The following FRAS1 variants were observed in gnomAD, a reference collection of about 807,000 sequenced individuals.
The protein encoded by FRAS1 is Fraser extracellular matrix complex subunit 1.
In FRAS1, 290 loss-of-function variants were observed where a neutral mutation model predicts 435.2. The observed-to-expected ratio is 0.67, with a 90% confidence interval of 0.61 to 0.73. The LOEUF (loss-of-function observed/expected upper bound fraction) is 0.73. Among genes scored for constraint, FRAS1 ranks in the 30% least tolerant of loss-of-function variants. FRAS1 has a pLI of 0.00. For missense variants in FRAS1, 4,860 were observed against 5,001.5 expected (o/e 0.97, Z 0.85); for synonymous variants, 1,800 against 1,851.0 (o/e 0.97, Z 0.71).
chr4:78,424,437 AT>A lies in FRAS1; in HGVS notation c.4711+21del. ...ACTTCACAGGTAAAGATTCATCTAAATTTTACTAGAAAGTGAAATTTTTTCT... is the reference window on the plus strand; with the variant it reads ...ACTTCACAGGTAAAGATTCATCTAAATTTACTAGAAAGTGAAATTTTTTCT... On this transcript the variant is annotated intron_variant, in intron 35 of 73. Transcript: ENST00000512123. 7.3e-7 allele frequency: 1 copy of A among 1,363,390 alleles called. No individual in the cohort carries two copies. Among genetic ancestry groups the A allele is most frequent in the Non-Finnish European group, 9.7e-7 (1 of 1,026,306 alleles). 84.5% of individuals were successfully genotyped at this position (1,363,390 alleles called of 1,614,324 possible).
chr4:78,464,620 T>A (rs1719473262), intron 49 of FRAS1, 37 bp downstream of exon 49: 4 of 1,608,650 alleles, frequency 2.5e-6, no homozygotes, highest in Non-Finnish European at 3.4e-6. Flanking sequence ...TCTGGCTAAA[T>A]GAGAGGCTGA....
intron 2 of FRAS1, among the ~76,000 whole-genome samples, chr4:78,126,807 C>A (rs961220994): frequency 3.9e-5 from 6 of 152,074 alleles, no homozygotes; most frequent in African/African-American, 1.2e-4. Context: ...ATATAGAGTA[C>A]CATTAACCAA....
rs868769483 is a variant in FRAS1, at chr4:78,106,041, G to C, written c.108+40025G>C. ...ACCCGAATATTGCGCTTTTCAGACCGGCTTAAGAAACGGCGCACCACGAGA... is the reference window on the plus strand; with the variant it reads ...ACCCGAATATTGCGCTTTTCAGACCCGCTTAAGAAACGGCGCACCACGAGA... On this transcript the variant is annotated intron_variant, in intron 2 of 73. Coordinates refer to ENST00000512123, the MANE Select transcript of FRAS1 (RefSeq NM_025074.7). Among the ~76,000 whole-genome samples, 7 of 131,962 alleles carry C rather than the reference G, an allele frequency of 5.3e-5. 1 individual carries two copies. Among genetic ancestry groups the C allele is most frequent in the African/African-American group, 2.1e-4 (7 of 33,960 alleles). The allele number at this position is 131,962 out of a possible 152,430, so 86.6% of individuals were successfully genotyped here. A position where few individuals can be genotyped will look rare whatever the true frequency, so the allele number is the denominator to read the frequency against.
Position 78,387,581 on chromosome 4 carries a change from T to C in FRAS1, c.3855T>C (p.Ser1285=), listed in dbSNP as rs751765926. 6.8e-6 allele frequency: 11 copies of C among 1,613,672 alleles called. No individual in the cohort carries two copies. In the East Asian group the frequency reaches 2.5e-4, roughly 36 times the overall value. ...ATCAATTCCAGCTGGATGAACTCTCTAGAGGCCTTCTCCACTATGCTCATG... is the reference window on the plus strand; with the variant it reads ...ATCAATTCCAGCTGGATGAACTCTCCAGAGGCCTTCTCCACTATGCTCATG... The part of the protein sequence containing the change: ...PIYQFQLDEL[S]RGLLHYAHDG... Residue 1285 remains serine (S), a synonymous_variant, in exon 29 of 74, where the codon TCT becomes TCC. Transcript: ENST00000512123.
chr4:78,307,597 G>A (rs1166277464), intron 14 of FRAS1, among the ~76,000 whole-genome samples: 4 of 152,218 alleles, frequency 2.6e-5, no homozygotes, highest in East Asian at 3.8e-4. Context: ...CGCAGTATTC[G>A]GGTGGGAGTG....
At chr4:78,088,806 T>C (rs967107404) in intron 2 of FRAS1, among the ~76,000 whole-genome samples, 4 of 152,098 alleles carry the variant, frequency 2.6e-5, no homozygotes, top group South Asian at 2.1e-4. Context: ...TGTGGAGAAA[T>C]AGGGACACTT....
intron 2 of FRAS1, among the ~76,000 whole-genome samples, chr4:78,170,322 A>G (rs1327411702): frequency 1.3e-5 from 2 of 152,196 alleles, no homozygotes; most frequent in African/African-American, 4.8e-5. Flanking sequence ...GTTGGTGCTT[A>G]GTAAATCTTT....
intron 18 of FRAS1, among the ~76,000 whole-genome samples, chr4:78,331,373 T>C (rs1729942932): frequency 6.6e-6 from 1 of 152,114 alleles, no homozygotes; most frequent in African/African-American, 2.4e-5. Flanking sequence ...TATTAGCCTG[T>C]AGGTGTCAGG....
In FRAS1 at chr4:78,101,909, C is replaced by T. The variant is rs192611539; in HGVS notation, c.108+35893C>T. Among the ~76,000 whole-genome samples, 186 of 152,232 alleles carry T rather than the reference C, an allele frequency of 1.2e-3. 1 individual carries two copies. Among genetic ancestry groups the T allele is most frequent in the African/African-American group, 4.3e-3 (179 of 41,528 alleles). On this transcript the variant is annotated intron_variant, in intron 2 of 73. Transcript: ENST00000512123. ...GTGCAGGTTTTCATTCCGCTCGTGTCCATTTGTTCACTACATTTATTCAGC... is the reference window on the plus strand; with the variant it reads ...GTGCAGGTTTTCATTCCGCTCGTGTTCATTTGTTCACTACATTTATTCAGC...
intron 31 of FRAS1, among the ~76,000 whole-genome samples, chr4:78,410,474 A>G (rs1560711800): frequency 6.6e-6 from 1 of 152,034 alleles, no homozygotes; most frequent in Non-Finnish European, 1.5e-5. Context: ...TCACTGGATG[A>G]AGACATCCAG....
chr4:78,510,952 A>G (rs1721016361), intron 63 of FRAS1, among the ~76,000 whole-genome samples: 1 of 152,292 alleles, frequency 6.6e-6, no homozygotes, highest in Middle Eastern at 3.4e-3. Flanking sequence ...CCTGAATAAC[A>G]CTTGGGTCAT....
At chr4:78,201,900 T>A (rs1723063617) in intron 2 of FRAS1, among the ~76,000 whole-genome samples, 1 of 152,230 alleles carries the variant, frequency 6.6e-6, no homozygotes, top group Admixed American at 6.5e-5. Flanking sequence ...TTAGGGGGCA[T>A]GACCACATAT....
At chr4:78,117,859 T>G (rs1718735179) in intron 2 of FRAS1, among the ~76,000 whole-genome samples, 1 of 152,270 alleles carries the variant, frequency 6.6e-6, no homozygotes, top group African/African-American at 2.4e-5. Flanking sequence ...CCAGCTTTGT[T>G]CCATTGCTGG....
chr4:78,197,545 A>G (rs916524135), intron 2 of FRAS1, among the ~76,000 whole-genome samples: 7 of 152,192 alleles, frequency 4.6e-5, no homozygotes, highest in African/African-American at 1.7e-4. Context: ...AGAAAAGCCC[A>G]AAAGTCGGGC....
chr4:78,086,729 G>T (rs561503370), intron 2 of FRAS1, among the ~76,000 whole-genome samples: 9 of 152,286 alleles, frequency 5.9e-5, no homozygotes, highest in African/African-American at 2.2e-4. Flanking sequence ...AAACCAGGAA[G>T]AAGTTGAATC....
chr4:78,275,609 G>A (rs370363827), intron 9 of FRAS1, among the ~76,000 whole-genome samples: 51 of 152,272 alleles, frequency 3.3e-4, no homozygotes, highest in African/African-American at 1.1e-3. Flanking sequence ...TCTGGGTTGA[G>A]AATTCTTTTC....
chr4:78,091,183 C>T (rs751480506), intron 2 of FRAS1, among the ~76,000 whole-genome samples: 10 of 151,956 alleles, frequency 6.6e-5, no homozygotes, highest in South Asian at 2.1e-4. Context: ...CCTGTCTTCA[C>T]CCCCACCATC....
chr4:78,162,555 C>CT, intron 2 of FRAS1, among the ~76,000 whole-genome samples: 1 of 152,242 alleles, frequency 6.6e-6, no homozygotes, highest in East Asian at 1.9e-4. Flanking sequence ...GGAAAATGTC[C>CT]TTTTAAATGT....
In FRAS1 at chr4:78,220,632, A is replaced by G. The variant is rs372558707; in HGVS notation, c.109-16878A>G. Among the ~76,000 whole-genome samples the G allele has an allele frequency of 5.1e-4, 78 of 152,340 alleles. No individual in the cohort carries two copies. In the South Asian group the frequency reaches 0.016, roughly 30 times the overall value. On this transcript the variant is annotated intron_variant, in intron 2 of 73. Transcript: ENST00000512123. ...ATGGAGAAAATTTCTCATGTTCTGT[A>G]TAATCTAATTTCATTAATAGAACAA...
Sources: allele counts gnomAD v4.1 joint callset (sites outside exome capture counted in the v4.1 genomes callset), GRCh38; gene constraint gnomAD v4.1.1; transcripts MANE v1.5; gene names NCBI Gene and HGNC (gene_info 2026-07-23, HGNC 2026-07-21).